The following ZNF585B variants were observed in gnomAD, a reference collection of about 807,000 sequenced individuals.
ZNF585B encodes zinc finger protein 585B, also known as zinc finger protein 41-like protein.
In ZNF585B, 7 loss-of-function variants were observed where a neutral mutation model predicts 14.0. The ratio of observed to expected loss-of-function variants is 0.50; its 90% CI spans 0.28 to 0.94. ZNF585B has a LOEUF of 0.94. ZNF585B is among the 40% of genes least tolerant of loss of function. The pLI is 0.09. For synonymous variants in ZNF585B, 290 were observed against 317.3 expected (o/e 0.91, Z 0.91); for missense variants, 750 against 924.4 (o/e 0.81, Z 2.45).
chr19:37,182,823 C>T lies in ZNF585B; in HGVS notation c.*2404G>A, dbSNP rs570388875. The T allele has an allele frequency of 6.6e-6, 1 of 152,478 alleles. No individual in the cohort carries two copies. Among genetic ancestry groups the T allele is most frequent in the South Asian group, 2.1e-4 (1 of 4,830 alleles). 9.4% of individuals were successfully genotyped at this position (152,478 alleles called of 1,614,324 possible). A position where few individuals can be genotyped will look rare whatever the true frequency, so the allele number is the denominator to read the frequency against. On this transcript the variant is annotated 3_prime_UTR_variant, in exon 5 of 5. Transcript: ENST00000532828. Reference sequence around the variant, plus strand: ...ACTCCCAGAACTGCCAATAGACTGGCCCCAGACGCCACCCAGCAACTGTGC... The same window carrying T: ...ACTCCCAGAACTGCCAATAGACTGGTCCCAGACGCCACCCAGCAACTGTGC...
chr19:37,186,276 G>A lies in ZNF585B; in HGVS notation c.1261C>T (p.Arg421Trp), dbSNP rs548885086. 31 of 1,614,016 alleles carry A rather than the reference G, an allele frequency of 1.9e-5. No homozygotes were observed. Among genetic ancestry groups the A allele is most frequent in the South Asian group, 5.5e-5 (5 of 91,070 alleles). ...TGATGTGTAATCAAGTGTGCCTTCCGGATGAAGGCCAGTCCACATTTCATG... is the reference window on the plus strand; with the variant it reads ...TGATGTGTAATCAAGTGTGCCTTCCAGATGAAGGCCAGTCCACATTTCATG... ...ICMKCGLAFI[R>W]KAHLITHQII... The change falls in exon 5 of 5, where the codon CGG becomes TGG. Residue 421 changes from arginine (R) to tryptophan (W), a missense_variant. This residue lies in a region of ZNF585B where 517 missense variants were observed against 570.3 expected (regional missense o/e 0.91). Transcript: ENST00000532828.
Position 37,185,271 on chromosome 19 carries a change from C to T in ZNF585B, c.2266G>A (p.Val756Ile), listed in dbSNP as rs772866995. Residue 756 changes from valine (V) to isoleucine (I), a missense_variant, in exon 5 of 5, where the codon GTT becomes ATT. Coordinates refer to ENST00000532828, the MANE Select transcript of ZNF585B (RefSeq NM_152279.4). ...YKCGICGKGF[V>I]QKSVFSVHQS... is the part of the protein sequence containing the mutation. ...TGAACACTGAACACTGATTTCTGAA[C>T]GAAGCCTTTCCCACAGATGCCACAC... The T allele has an allele frequency of 6.5e-5, 105 of 1,613,738 alleles. No individual in the cohort carries two copies. The highest frequency in any genetic ancestry group is 4.0e-4 in the Admixed American group (24 of 59,986).
In ZNF585B at chr19:37,186,619, G is replaced by A. The variant is rs112334120; in HGVS notation, c.918C>T (p.Ser306=). The A allele has an allele frequency of 1.5e-3, 2,346 of 1,614,174 alleles. 41 individuals carry two copies. The African/African-American group carries it at 0.028, about 19-fold the overall frequency. ...CCTGAAGTTGTGACTTGGAAATGAAGGATTTGCCACAGTTATTGCATTCAT... is the reference window on the plus strand; with the variant it reads ...CCTGAAGTTGTGACTTGGAAATGAAAGATTTGCCACAGTTATTGCATTCAT... ...KPYECNNCGK[S]FISKSQLQVH... Residue 306 remains serine (S), a synonymous_variant, in exon 5 of 5, where the codon TCC becomes TCT. Transcript: ENST00000532828.
chr19:37,207,814 C>A (rs1035665073), intron 1 of ZNF585B, among the ~76,000 whole-genome samples: 2 of 151,974 alleles, frequency 1.3e-5, no homozygotes, highest in African/African-American at 4.8e-5. Context: ...GTCATCAAAA[C>A]AAGTAAGATA....
Position 37,187,261 on chromosome 19 carries a change from AC to A in ZNF585B, c.293-18del, listed in dbSNP as rs749238534. The A allele has an allele frequency of 1.2e-5, 19 of 1,551,982 alleles. No homozygotes were observed. Among genetic ancestry groups the A allele is most frequent in the Non-Finnish European group, 1.5e-5 (17 of 1,140,688 alleles). ...ATTTCTCTCCTGTTGGAGTACATTCACAGTAAGTATAGAAAGACATTTTACC... is the reference window on the plus strand; with the variant it reads ...ATTTCTCTCCTGTTGGAGTACATTCAAGTAAGTATAGAAAGACATTTTACC... On this transcript the variant is annotated intron_variant, in intron 4 of 4. Coordinates refer to ENST00000532828, the MANE Select transcript of ZNF585B (RefSeq NM_152279.4).
rs117337939 is a variant in ZNF585B, at chr19:37,209,454, T to C, written c.-144+987A>G. ...GATCCCAATAATATAGTTTTAAATA[T>C]ATAAAGCAGAAACAGAAGAAAGGAC... On this transcript the variant is annotated intron_variant, in intron 1 of 4. Coordinates refer to ENST00000532828, the MANE Select transcript of ZNF585B (RefSeq NM_152279.4). Among the ~76,000 whole-genome samples the C allele has an allele frequency of 6.3e-3, 966 of 152,216 alleles. 28 individuals carry two copies. The highest frequency in any genetic ancestry group is 0.052 in the East Asian group (270 of 5,152).
At chr19:37,200,008 A>G (rs952782617) in intron 2 of ZNF585B, among the ~76,000 whole-genome samples, 1 of 151,914 alleles carries the variant, frequency 6.6e-6, no homozygotes, top group Admixed American at 6.6e-5. Context: ...GCGCCACTGC[A>G]CTCCAGTCTG....
In ZNF585B at chr19:37,189,753, C is replaced by T. The variant is rs1043556719; in HGVS notation, c.200G>A (p.Gly67Glu). The T allele has an allele frequency of 6.2e-7, 1 of 1,614,114 alleles. No homozygotes were observed. Among genetic ancestry groups the T allele is most frequent in the African/African-American group, 1.3e-5 (1 of 75,032 alleles). ...LETYSHLLSV[G>E]YQVPKPEVVM... Reference sequence around the variant, plus strand: ...CACCTCTGGTTTAGGAACTTGATACCCTGTTCATGGGAAATGATAAAGGTC... The same window carrying T: ...CACCTCTGGTTTAGGAACTTGATACTCTGTTCATGGGAAATGATAAAGGTC... The change falls in exon 4 of 5, where the codon GGG becomes GAG. Residue 67 changes from glycine (G) to glutamate (E), a missense_variant and splice_region_variant. Around this residue, in one of 2 missense-constraint regions of ZNF585B, gnomAD observed 517 missense variants for 570.3 expected, o/e 0.91. Coordinates refer to ENST00000532828, the MANE Select transcript of ZNF585B (RefSeq NM_152279.4).
intron 2 of ZNF585B, among the ~76,000 whole-genome samples, 176 bp downstream of exon 2, chr19:37,206,864 G>C (rs1478223988): frequency 6.6e-6 from 1 of 152,192 alleles, no homozygotes; most frequent in African/African-American, 2.4e-5. Flanking sequence ...CAGAGACGGA[G>C]ACATTACCCA....
intron 2 of ZNF585B, among the ~76,000 whole-genome samples, chr19:37,191,127 C>G (rs1053817229): frequency 9.9e-5 from 15 of 152,098 alleles, no homozygotes; most frequent in Admixed American, 9.2e-4. Flanking sequence ...TAGGGTGTAA[C>G]ATTTGTTAAC....
chr19:37,198,991 G>A (rs1242018920), intron 2 of ZNF585B: 2 of 1,529,944 alleles, frequency 1.3e-6, no homozygotes, highest in Non-Finnish European at 1.7e-6. Context: ...TGTCTCTTGT[G>A]ATGCATATTG....
intron 1 of ZNF585B, among the ~76,000 whole-genome samples, chr19:37,207,484 G>A (rs1290109808): frequency 1.3e-5 from 2 of 152,182 alleles, no homozygotes; most frequent in African/African-American, 4.8e-5. Context: ...AAGTGCCCAG[G>A]AAATGCTGAT....
At chr19:37,209,723 C>CTTTTTTTT (rs755649009) in intron 1 of ZNF585B, among the ~76,000 whole-genome samples, 1 of 117,998 alleles carries the variant, frequency 8.5e-6, no homozygotes, top group Non-Finnish European at 1.7e-5. Context: ...AAGTGCACTT[C>CTTTTTTTT]TTTTTTTTTT....
intron 4 of ZNF585B, 88 bp downstream of exon 4, chr19:37,189,573 C>A: frequency 6.7e-7 from 1 of 1,484,046 alleles, no homozygotes; most frequent in Non-Finnish European, 9.3e-7. Flanking sequence ...CTTAATAGCA[C>A]TTCACAGGTT....
intron 2 of ZNF585B, among the ~76,000 whole-genome samples, chr19:37,203,127 G>C (rs1228541525): frequency 1.3e-5 from 2 of 151,812 alleles, no homozygotes; most frequent in Non-Finnish European, 2.9e-5. Context: ...TTTGTTCTCT[G>C]TGACTCATGT....
At chr19:37,203,710 C>A (rs1376337626) in intron 2 of ZNF585B, among the ~76,000 whole-genome samples, 2 of 152,186 alleles carry the variant, frequency 1.3e-5, no homozygotes, top group East Asian at 3.9e-4. Context: ...CTCACCGAAA[C>A]CTCCACCTCC....
At chr19:37,199,098 C>G in intron 2 of ZNF585B, 1 of 1,074,150 alleles carries the variant, frequency 9.3e-7, no homozygotes, top group Non-Finnish European at 1.3e-6. Context: ...TTATCATACA[C>G]TTGTATAGTC....
Position 37,201,345 on chromosome 19 carries a change from T to C in ZNF585B, c.72+5695A>G, listed in dbSNP as rs1340867345. On this transcript the variant is annotated intron_variant, in intron 2 of 4. Transcript: ENST00000532828. Reference sequence around the variant, plus strand: ...ACATAGCATCAAAATTTATAAACTATAGGAAACTATAGGAAAATAATAGCA... The same window carrying C: ...ACATAGCATCAAAATTTATAAACTACAGGAAACTATAGGAAAATAATAGCA... 2.0e-5 allele frequency among the ~76,000 whole-genome samples: 3 copies of C among 151,994 alleles called. 1 individual carries two copies. Among genetic ancestry groups the C allele is most frequent in the Admixed American group, 2.0e-4 (3 of 15,242 alleles).
At chr19:37,195,207 G>A (rs577095656) in intron 2 of ZNF585B, among the ~76,000 whole-genome samples, 15 of 151,478 alleles carry the variant, frequency 9.9e-5, no homozygotes, top group South Asian at 6.3e-4. Flanking sequence ...TTAGCAGGGC[G>A]TGGTGGCACG....
Sources: allele counts gnomAD v4.1 joint callset (sites outside exome capture counted in the v4.1 genomes callset), GRCh38; gene constraint gnomAD v4.1.1; regional missense constraint gnomAD v4.1.1; transcripts MANE v1.5; gene names NCBI Gene and HGNC (gene_info 2026-07-23, HGNC 2026-07-21).